Variants in BCL2L13 observed in about 807,000 individuals in gnomAD.
BCL2L13 encodes BCL2 like 13, also known as bcl-2-like protein 13.
In BCL2L13, 13 loss-of-function variants were observed where a neutral mutation model predicts 25.8. That is an observed-to-expected ratio of 0.50 (90% CI 0.33 to 0.80). BCL2L13 has a LOEUF of 0.80. BCL2L13 is among the 30% of genes least tolerant of loss of function. The pLI, the probability that BCL2L13 is intolerant of heterozygous loss-of-function variation, is 0.02. For missense variants in BCL2L13, 504 were observed against 574.9 expected (o/e 0.88, Z 1.26); for synonymous variants, 244 against 230.3 (o/e 1.06, Z -0.54).
At chr22:17,636,749 G>A (rs1262450280), upstream of BCL2L13, among the ~76,000 whole-genome samples, 2 of 152,026 alleles carry the variant, frequency 1.3e-5, no homozygotes, top group African/African-American at 4.8e-5. Context: ...AGCTGAGATC[G>A]CGCCATTGCA....
At chr22:17,720,232 G>A (rs1164041294) in intron 6 of BCL2L13, among the ~76,000 whole-genome samples, 2 of 141,310 alleles carry the variant, frequency 1.4e-5, no homozygotes, top group Non-Finnish European at 3.1e-5. Context: ...GCAGTGGCAC[G>A]ATCATGGCTC....
chr22:17,698,077 A>C (rs1381735136), intron 5 of BCL2L13, among the ~76,000 whole-genome samples: 1 of 148,318 alleles, frequency 6.7e-6, no homozygotes, highest in Non-Finnish European at 1.5e-5. Context: ...CAATCTCCCA[A>C]ATTGCTGGGA....
intron 4 of BCL2L13, among the ~76,000 whole-genome samples, chr22:17,691,016 TTTTA>T (rs567065311): frequency 6.6e-6 from 1 of 151,840 alleles, no homozygotes; most frequent in Non-Finnish European, 1.5e-5. Flanking sequence ...CTTCTTTCTT[TTTTA>T]TTTATTTATT....
intron 6 of BCL2L13, among the ~76,000 whole-genome samples, chr22:17,726,047 C>T (rs1304470172): frequency 6.6e-6 from 1 of 152,048 alleles, no homozygotes; most frequent in Non-Finnish European, 1.5e-5. Context: ...CATTTCAGCA[C>T]TCAAAAAGTT....
chr22:17,668,579 A>G (rs2059311879), intron 2 of BCL2L13, among the ~76,000 whole-genome samples: 4 of 151,116 alleles, frequency 2.6e-5, no homozygotes, highest in African/African-American at 9.7e-5. Flanking sequence ...TCAGCCTCCC[A>G]AGTAGCTGGG....
intron 1 of BCL2L13, among the ~76,000 whole-genome samples, chr22:17,653,769 G>T (rs111877230): frequency 0.011 from 1,683 of 152,004 alleles, 39 homozygotes; most frequent in African/African-American, 0.038. Flanking sequence ...CTTCCAAAGT[G>T]TTGGAATTAT....
intron 6 of BCL2L13, among the ~76,000 whole-genome samples, chr22:17,707,501 A>G (rs1316407753): frequency 1.3e-5 from 2 of 152,200 alleles, no homozygotes; most frequent in African/African-American, 2.4e-5. Context: ...GTTTTGTGTC[A>G]GTGGAGCCAA....
At chr22:17,680,285 C>T (rs1481272764) in intron 2 of BCL2L13, among the ~76,000 whole-genome samples, 4 of 148,258 alleles carry the variant, frequency 2.7e-5, no homozygotes, top group South Asian at 4.3e-4. Flanking sequence ...CCGAGGTGGG[C>T]GCATCACGAG....
chr22:17,715,821 T>G (rs566908913), intron 6 of BCL2L13, among the ~76,000 whole-genome samples: 1 of 152,288 alleles, frequency 6.6e-6, no homozygotes, highest in African/African-American at 2.4e-5. Flanking sequence ...TTAGCACCAG[T>G]GCTGTGTGAC....
chr22:17,705,887 T>A (rs949294558), intron 6 of BCL2L13, among the ~76,000 whole-genome samples: 2 of 152,038 alleles, frequency 1.3e-5, no homozygotes, highest in African/African-American at 4.8e-5. Context: ...GCAGAGGAGG[T>A]GGTGCCAGCA....
intron 6 of BCL2L13, among the ~76,000 whole-genome samples, chr22:17,720,875 GATA>G (rs1447580011): frequency 6.6e-6 from 1 of 150,782 alleles, no homozygotes; most frequent in African/African-American, 2.4e-5. Context: ...TTTAAAAATT[GATA>G]ATAACAGGCC....
chr22:17,651,388 TATTTA>T (rs1454755774), intron 1 of BCL2L13, among the ~76,000 whole-genome samples: 7 of 151,570 alleles, frequency 4.6e-5, no homozygotes, highest in Non-Finnish European at 5.9e-5. Flanking sequence ...TTTATTTATT[TATTTA>T]TTTATTTGAG....
rs796844945 is a variant in BCL2L13, at chr22:17,687,814, G to GC, written c.230-1168dup. Among the ~76,000 whole-genome samples the GC allele has an allele frequency of 7.9e-3, 900 of 114,262 alleles. 14 individuals carry two copies. Among genetic ancestry groups the GC allele is most frequent in the African/African-American group, 0.023 (771 of 32,854 alleles). The allele number at this position is 114,262 out of a possible 152,430, so 75.0% of individuals were successfully genotyped here. The stretch of plus-strand genomic sequence containing the variant: ...TTACAGGCGTGAGCCACCGCACCCG[G>GC]CCCCTTTTTTTTTTTTTTTTGAGAA... On this transcript the variant is annotated intron_variant, in intron 3 of 6. Transcript: ENST00000317582.
At chr22:17,693,696 ACT>A (rs1276172561) in intron 4 of BCL2L13, among the ~76,000 whole-genome samples, 2 of 143,684 alleles carry the variant, frequency 1.4e-5, no homozygotes, top group Non-Finnish European at 3.1e-5. Flanking sequence ...GGATTTTAAA[ACT>A]CTGCAAAAGC....
rs890631679 is a variant in BCL2L13 at position 17,656,335 on chromosome 22, C to CTTTTTTTTTTTTTT, written c.121+523_121+536dup. On this transcript the variant is annotated intron_variant, in intron 2 of 6. Coordinates refer to ENST00000317582, the MANE Select transcript of BCL2L13 (RefSeq NM_015367.4). ...CAAAAGTATTTTTTTTCATTTTATT[C>CTTTTTTTTTTTTTT]TTTTTTTTTTTTTTTTTTTTTTTTT... 1.1e-3 allele frequency among the ~76,000 whole-genome samples: 61 copies of CTTTTTTTTTTTTTT among 57,886 alleles called. 12 individuals carry two copies. Among genetic ancestry groups the CTTTTTTTTTTTTTT allele is most frequent in the African/African-American group, 3.0e-3 (35 of 11,818 alleles). The allele number at this position is 57,886 out of a possible 152,430, so 38.0% of individuals were successfully genotyped here. A position where few individuals can be genotyped will look rare whatever the true frequency, so the allele number is the denominator to read the frequency against.
intron 1 of BCL2L13, among the ~76,000 whole-genome samples, chr22:17,652,015 C>T (rs2058705880): frequency 6.6e-6 from 1 of 152,032 alleles, no homozygotes; most frequent in African/African-American, 2.4e-5. Context: ...TATCCAACTG[C>T]TTGTTCTGTA....
chr22:17,684,545 G>C, intron 3 of BCL2L13: 1 of 453,530 alleles, frequency 2.2e-6, no homozygotes, highest in South Asian at 1.6e-5. Context: ...TACATAAATA[G>C]AATAGTTCAC....
rs1029335047 is a variant in BCL2L13, at chr22:17,727,636, G to C, written c.*102G>C. On this transcript the variant is annotated 3_prime_UTR_variant, in exon 7 of 7. Coordinates refer to ENST00000317582, the MANE Select transcript of BCL2L13 (RefSeq NM_015367.4). Reference sequence around the variant, plus strand: ...GTCTGGACATTTGTGGAACACTCTGGGATAATTGGGGACTTCTGCTCAACA... The same window carrying C: ...GTCTGGACATTTGTGGAACACTCTGCGATAATTGGGGACTTCTGCTCAACA... 2 of 1,481,878 alleles carry C rather than the reference G, an allele frequency of 1.3e-6. No individual in the cohort carries two copies. Among genetic ancestry groups the C allele is most frequent in the African/African-American group, 1.4e-5 (1 of 72,086 alleles). 91.8% of individuals were successfully genotyped at this position (1,481,878 alleles called of 1,614,324 possible).
intron 2 of BCL2L13, among the ~76,000 whole-genome samples, chr22:17,675,300 C>G (rs2059546919): frequency 6.6e-6 from 1 of 152,032 alleles, no homozygotes; most frequent in African/African-American, 2.4e-5. Flanking sequence ...CCTGTAATCC[C>G]AGCACTTTGG....
Sources: allele counts gnomAD v4.1 joint callset (sites outside exome capture counted in the v4.1 genomes callset), GRCh38; gene constraint gnomAD v4.1.1; transcripts MANE v1.5; gene names NCBI Gene and HGNC (gene_info 2026-07-23, HGNC 2026-07-21).